The following TNFSF8 variants were observed in gnomAD, a reference collection of about 807,000 sequenced individuals.
The protein encoded by TNFSF8 is TNF superfamily member 8.
In TNFSF8, 4 loss-of-function variants were observed where a neutral mutation model predicts 22.0. The ratio of observed to expected loss-of-function variants is 0.18; its 90% CI spans 0.09 to 0.42. The LOEUF is 0.42. Among genes scored for constraint, TNFSF8 ranks in the 10% least tolerant of loss-of-function variants. The probability of loss-of-function intolerance (pLI) is 1.00; values close to 1 mark genes in which losing one functional copy is unlikely to be tolerated. For synonymous variants in TNFSF8, 106 were observed against 112.5 expected (o/e 0.94, Z 0.37); for missense variants, 233 against 281.8 (o/e 0.83, Z 1.24).
intron 1 of TNFSF8, among the ~76,000 whole-genome samples, chr9:114,925,586 A>G (rs890395195): frequency 6.6e-6 from 1 of 152,206 alleles, no homozygotes. Flanking sequence ...GAGCTTAAAA[A>G]TAAACCCAAA....
Position 114,927,512 on chromosome 9 carries a change from G to A in TNFSF8, c.195+2597C>T, listed in dbSNP as rs549711397. Among the ~76,000 whole-genome samples the A allele has an allele frequency of 2.6e-5, 4 of 152,232 alleles. No homozygotes were observed. In the East Asian group the frequency reaches 7.7e-4, roughly 29 times the overall value. On this transcript the variant is annotated intron_variant, in intron 1 of 3. Transcript: ENST00000223795. ...CTCCTCTGCTTTCCCTTCCCTGCCT[G>A]TTTGAAATTGTTCACATTTCTCAAG... is the stretch of plus-strand genomic sequence containing the variant.
exon 5 of TNFSF8, chr9:114,894,146 A>C: frequency 6.5e-7 from 1 of 1,535,100 alleles, no homozygotes; most frequent in Middle Eastern, 1.7e-4. Flanking sequence ...TGAATGGTGG[A>C]GGATCATGCC....
intron 2 of TNFSF8, 104 bp from the exon 3 acceptor site, chr9:114,906,003 G>T: frequency 2.7e-6 from 2 of 729,086 alleles, no homozygotes; most frequent in South Asian, 1.8e-5. Context: ...TTACCGTTCT[G>T]TTTTCCATTT....
downstream of TNFSF8, among the ~76,000 whole-genome samples, chr9:114,897,472 G>A (rs1827668831): frequency 6.6e-6 from 1 of 152,056 alleles, no homozygotes; most frequent in Non-Finnish European, 1.5e-5. Context: ...ATGTTGGAGA[G>A]GAATGATAGA....
intron 2 of TNFSF8, among the ~76,000 whole-genome samples, chr9:114,907,191 C>T (rs575234392): frequency 2.6e-5 from 4 of 152,226 alleles, no homozygotes; most frequent in Non-Finnish European, 4.4e-5. Flanking sequence ...AAGCTCACTG[C>T]GAGAGGCACT....
At chr9:114,895,044 G>A (rs1827642974) in intron 4 of TNFSF8, among the ~76,000 whole-genome samples, 1 of 152,206 alleles carries the variant, frequency 6.6e-6, no homozygotes, top group South Asian at 2.1e-4. Context: ...TAGGTCATCT[G>A]CGTCCCTAGC....
At chr9:114,927,072 TTATAA>T (rs1156773693) in intron 1 of TNFSF8, among the ~76,000 whole-genome samples, 1 of 146,982 alleles carries the variant, frequency 6.8e-6, no homozygotes, top group East Asian at 1.9e-4. Flanking sequence ...AATGTTTATT[TTATAA>T]TATATTTATA....
At chr9:114,916,128 C>CA (rs1172894047) in intron 2 of TNFSF8, among the ~76,000 whole-genome samples, 3 of 151,954 alleles carry the variant, frequency 2.0e-5, no homozygotes, top group African/African-American at 4.8e-5. Context: ...ATAACTCTGG[C>CA]AAAAAACAAG....
chr9:114,905,881 A>T lies in TNFSF8; in HGVS notation c.257T>A (p.Leu86His). Residue 86 changes from leucine (L) to histidine (H), a missense_variant, in exon 3 of 4, where the codon CTC becomes CAC. Physicochemically the swap from Leu to His is moderately conservative, Grantham distance 99 (BLOSUM62 -3). Transcript: ENST00000223795. ...PLKGGNCSED[L>H]LCILKRAPFK... Reference sequence around the variant, plus strand: ...TGGAGCCCTTTTCAGGATACATAAGAGGTCTTCTGAGCAATTTCCTAAAAA... The same window carrying T: ...TGGAGCCCTTTTCAGGATACATAAGTGGTCTTCTGAGCAATTTCCTAAAAA... 1 of 1,612,108 alleles carries T rather than the reference A, an allele frequency of 6.2e-7. No homozygotes were observed.
At chr9:114,899,342 A>ATTTTTTTT (rs137946179), downstream of TNFSF8, among the ~76,000 whole-genome samples, 20 of 142,628 alleles carry the variant, frequency 1.4e-4, no homozygotes, top group African/African-American at 2.9e-4. Flanking sequence ...ACAGTAAGTT[A>ATTTTTTTT]TTATTTTTTT....
intron 1 of TNFSF8, among the ~76,000 whole-genome samples, chr9:114,920,047 A>T (rs1211377199): frequency 2.0e-5 from 3 of 152,184 alleles, no homozygotes; most frequent in Non-Finnish European, 4.4e-5. Flanking sequence ...AAAGCTTTTA[A>T]CCTAACAAAG....
At chr9:114,927,518 A>C (rs961063643) in intron 1 of TNFSF8, among the ~76,000 whole-genome samples, 3 of 152,120 alleles carry the variant, frequency 2.0e-5, no homozygotes, top group South Asian at 2.1e-4. Context: ...GCCTGTTTGA[A>C]ATTGTTCACA....
chr9:114,893,367 C>T (rs2131336491), exon 5 of TNFSF8: 1 of 152,278 alleles, frequency 6.6e-6, no homozygotes, highest in Non-Finnish European at 1.5e-5. Flanking sequence ...ACTTTATTTA[C>T]AAAAGTAGGC....
In TNFSF8 at chr9:114,902,792, C is replaced by G; in HGVS notation, c.*1139G>C. The G allele has an allele frequency of 2.0e-6, 2 of 979,290 alleles. No individual in the cohort carries two copies. Among genetic ancestry groups the G allele is most frequent in the South Asian group, 4.7e-5 (1 of 21,134 alleles). The allele number at this position is 979,290 out of a possible 1,614,324, so 60.7% of individuals were successfully genotyped here. ...GGTTTTGAAGCAATTCAAACCCAGT[C>G]CTTTCATTTTCTAGACTTGGATCCT... On this transcript the variant is annotated 3_prime_UTR_variant, in exon 4 of 4. Transcript: ENST00000223795.
intron 2 of TNFSF8, among the ~76,000 whole-genome samples, chr9:114,907,189 T>C (rs1275012724): frequency 1.3e-5 from 2 of 152,176 alleles, no homozygotes; most frequent in Non-Finnish European, 2.9e-5. Context: ...ACAAGCTCAC[T>C]GCGAGAGGCA....
chr9:114,899,345 A>T (rs72756567), downstream of TNFSF8, among the ~76,000 whole-genome samples: 79,867 of 143,460 alleles, frequency 0.56, 23,482 homozygotes, highest in African/African-American at 0.77. Context: ...GTAAGTTATT[A>T]TTTTTTTTTT....
intron 2 of TNFSF8, among the ~76,000 whole-genome samples, chr9:114,913,182 A>C (rs973550478): frequency 8.5e-5 from 13 of 152,184 alleles, no homozygotes; most frequent in African/African-American, 2.9e-4. Flanking sequence ...CTACAGACTG[A>C]ATTCAGGCGA....
downstream of TNFSF8, among the ~76,000 whole-genome samples, chr9:114,897,057 C>A (rs1827662666): frequency 1.3e-5 from 2 of 152,130 alleles, no homozygotes; most frequent in African/African-American, 4.8e-5. Flanking sequence ...CATGTGCCAC[C>A]ACGCCTGGCT....
chr9:114,911,190 G>A (rs556355004), intron 2 of TNFSF8, among the ~76,000 whole-genome samples: 1 of 152,320 alleles, frequency 6.6e-6, no homozygotes, highest in African/African-American at 2.4e-5. Flanking sequence ...TTTGATGGAC[G>A]GGAGCTTCTC....
Sources: gnomAD v4.1 joint callset for allele counts (sites outside exome capture counted in the v4.1 genomes callset) on GRCh38, gnomAD v4.1.1 for gene constraint, MANE v1.5 for transcripts, NCBI Gene and HGNC (gene_info 2026-07-23, HGNC 2026-07-21) for gene names.